Variants in SYNGR1 observed in about 807,000 individuals in gnomAD.
SYNGR1 encodes synaptogyrin 1, also known as synaptogyrin-1.
Under a neutral mutation model 26.1 loss-of-function variants are expected in SYNGR1, and 14 were observed. The ratio of observed to expected loss-of-function variants is 0.54; its 90% confidence interval spans 0.35 to 0.84. The LOEUF is 0.84. Ranked by LOEUF, SYNGR1 falls within the 40% of genes least tolerant of loss-of-function variation. SYNGR1 has a pLI of 0.01. For missense variants in SYNGR1, 319 were observed against 332.9 expected (o/e 0.96, Z 0.33); for synonymous variants, 141 against 150.1 (o/e 0.94, Z 0.44).
At position 39,383,381 on chromosome 22, in the gene SYNGR1, AG is replaced by A. The variant is rs1925560555; in HGVS notation, c.*1469del. ...CATGGGCTGTAGGGGAGAGTGTGGC[AG>A]GTGACCCAAAGGCCCAAAGAGGGCC... On this transcript the variant is annotated 3_prime_UTR_variant, in exon 4 of 4. Transcript: ENST00000328933. The A allele has an allele frequency of 6.6e-6, 1 of 152,488 alleles. No homozygotes were observed. Among genetic ancestry groups the A allele is most frequent in the African/African-American group, 2.4e-5 (1 of 41,452 alleles). 9.4% of individuals were successfully genotyped at this position (152,488 alleles called of 1,614,324 possible).
rs535872529 is a variant in SYNGR1 at position 39,373,445 on chromosome 22, C to T, written c.100-871C>T. Among the ~76,000 whole-genome samples the T allele has an allele frequency of 3.3e-5, 5 of 152,028 alleles. 1 individual carries two copies. In the South Asian group the frequency reaches 1.0e-3, roughly 32 times the overall value. ...CCTCCCAAAGTGCTGGGATTACAGG[C>T]GTGAGCGACCACGCCTGGCCCGAGA... On this transcript the variant is annotated intron_variant, in intron 1 of 3. Transcript: ENST00000328933.
In SYNGR1 at chr22:39,350,000, G is replaced by T; in HGVS notation, c.-11G>T. On this transcript the variant is annotated 5_prime_UTR_variant, in exon 1 of 4. Transcript: ENST00000328933. ...GCGCCGAGCGGGGGGCACCGCGCGG[G>T]TGCAGCCACGATGGAAGGGGGTGCG... 1.6e-6 allele frequency: 2 copies of T among 1,237,292 alleles called. No individual in the cohort carries two copies. The highest frequency in any genetic ancestry group is 2.1e-6 in the Non-Finnish European group (2 of 966,998). The allele number at this position is 1,237,292 out of a possible 1,614,324, so 76.6% of individuals were successfully genotyped here.
At chr22:39,376,991 T>A (rs1287444125) in intron 3 of SYNGR1, 1 of 1,550,686 alleles carries the variant, frequency 6.4e-7, no homozygotes, top group East Asian at 2.4e-5. Flanking sequence ...GTCTGTTTCT[T>A]CTCTCCTAAT....
chr22:39,353,379 G>A (rs1217819130), intron 1 of SYNGR1, among the ~76,000 whole-genome samples: 2 of 151,350 alleles, frequency 1.3e-5, no homozygotes, highest in African/African-American at 4.9e-5. Flanking sequence ...GGATCTTGCT[G>A]TGTTGCCCAG....
At chr22:39,370,989 AT>A (rs1296390745) in intron 1 of SYNGR1, among the ~76,000 whole-genome samples, 2 of 152,132 alleles carry the variant, frequency 1.3e-5, no homozygotes, top group East Asian at 3.9e-4. Context: ...TTCAATGTAG[AT>A]TTATTGGTTT....
intron 1 of SYNGR1, among the ~76,000 whole-genome samples, chr22:39,352,748 C>G (rs989472050): frequency 6.6e-6 from 1 of 152,196 alleles, no homozygotes; most frequent in African/African-American, 2.4e-5. Context: ...CTGAGAGGCC[C>G]TTAGTCCAGA....
chr22:39,380,337 A>G (rs1322875492), intron 3 of SYNGR1, among the ~76,000 whole-genome samples: 1 of 152,184 alleles, frequency 6.6e-6, no homozygotes, highest in East Asian at 1.9e-4. Flanking sequence ...TGATTTCAAC[A>G]AAGTCCAAGG....
At chr22:39,377,873 C>G in intron 3 of SYNGR1, 1 of 1,480,372 alleles carries the variant, frequency 6.8e-7, no homozygotes, top group South Asian at 1.3e-5. Context: ...TTCATTGATT[C>G]TTCATGCGTT....
At chr22:39,380,133 T>C (rs1054791228) in intron 3 of SYNGR1, 1 of 144,212 alleles carries the variant, frequency 6.9e-6, no homozygotes, top group Non-Finnish European at 1.5e-5. Flanking sequence ...ATGTGTGCTG[T>C]AGACAAGTCT....
At chr22:39,377,808 G>T in intron 3 of SYNGR1, 1 of 1,533,218 alleles carries the variant, frequency 6.5e-7, no homozygotes, top group Non-Finnish European at 8.7e-7. Context: ...TGGAAGGCTG[G>T]CTTGAGGAAC....
chr22:39,355,396 T>C (rs137707), intron 1 of SYNGR1, among the ~76,000 whole-genome samples: 122,229 of 151,634 alleles, frequency 0.81, 49,719 homozygotes, highest in East Asian at 1. Context: ...CCTTGTTTGT[T>C]ATTTATTGCT....
intron 2 of SYNGR1, chr22:39,374,871 T>G (rs1569182138): frequency 6.9e-6 from 3 of 436,408 alleles, no homozygotes; most frequent in Non-Finnish European, 1.3e-5. Context: ...CAGTGGCCTC[T>G]TCTGTGCCAC....
intron 1 of SYNGR1, chr22:39,364,282 AGGCCCGGATGT>A: frequency 6.2e-7 from 1 of 1,613,792 alleles, no homozygotes; most frequent in Non-Finnish European, 8.5e-7. Context: ...CTGGAGGAGC[AGGCCCGGATGT>A]GAGGCAGGTT....
intron 1 of SYNGR1, among the ~76,000 whole-genome samples, chr22:39,354,563 G>T (rs910930734): frequency 1.4e-4 from 21 of 152,344 alleles, no homozygotes; most frequent in Non-Finnish European, 2.6e-4. Flanking sequence ...AACTTGGCCA[G>T]GTGAGGTGGC....
At chr22:39,372,288 C>T (rs575910370) in intron 1 of SYNGR1, among the ~76,000 whole-genome samples, 2 of 151,608 alleles carry the variant, frequency 1.3e-5, no homozygotes, top group East Asian at 1.9e-4. Flanking sequence ...CGTGCCACCA[C>T]ACCCAGCTAA....
chr22:39,350,184 GACCCC>G lies in SYNGR1; in HGVS notation c.99+76_99+80del. 4.1e-6 allele frequency: 1 copy of G among 246,830 alleles called. No homozygotes were observed. The allele number at this position is 246,830 out of a possible 1,614,324, so 15.3% of individuals were successfully genotyped here. A position where few individuals can be genotyped will look rare whatever the true frequency, so the allele number is the denominator to read the frequency against. On this transcript the variant is annotated intron_variant, in intron 1 of 3. Coordinates refer to ENST00000328933, the MANE Select transcript of SYNGR1 (RefSeq NM_004711.5). This position sits in a 1 kb window ranked among gnomAD's most constrained non-coding sequence, Gnocchi z 4.3. ...TGAGCAAAGGCGGCGCGCCCGGACC[GACCCC>G]GACCCCGACCCCAACGGGCCCCCGG...
At chr22:39,368,325 G>A (rs1924865263) in intron 1 of SYNGR1, among the ~76,000 whole-genome samples, 1 of 152,194 alleles carries the variant, frequency 6.6e-6, no homozygotes, top group African/African-American at 2.4e-5. Flanking sequence ...CACCCCACTG[G>A]TCCAAGTGGC....
chr22:39,355,984 A>G (rs1924125911), intron 1 of SYNGR1, among the ~76,000 whole-genome samples: 1 of 152,190 alleles, frequency 6.6e-6, no homozygotes, highest in African/African-American at 2.4e-5. Flanking sequence ...GCGCCATCGC[A>G]CTCCAGCCTG....
intron 1 of SYNGR1, among the ~76,000 whole-genome samples, chr22:39,372,732 G>T (rs569429521): frequency 6.6e-6 from 1 of 152,196 alleles, no homozygotes; most frequent in East Asian, 1.9e-4. Flanking sequence ...GCCTCCCAAA[G>T]TGCTGGGATT....
Sources: allele counts gnomAD v4.1 joint callset (sites outside exome capture counted in the v4.1 genomes callset), GRCh38; gene constraint gnomAD v4.1.1; non-coding constraint Gnocchi (gnomAD v3.1); transcripts MANE v1.5; gene names NCBI Gene and HGNC (gene_info 2026-07-23, HGNC 2026-07-21).